Variants in PTPRG observed in about 807,000 individuals in gnomAD.
The protein encoded by PTPRG is receptor-type tyrosine-protein phosphatase gamma.
PTPRG carries 102 observed loss-of-function variants against 165.3 expected under a neutral mutation model. That is an observed-to-expected ratio of 0.62 (90% CI 0.53 to 0.73). The LOEUF (loss-of-function observed/expected upper bound fraction) is 0.73. Ranked by LOEUF, PTPRG falls within the 30% of genes least tolerant of loss-of-function variation. The pLI, the probability that PTPRG is intolerant of heterozygous loss-of-function variation, is 0.00. For synonymous variants in PTPRG, 675 were observed against 669.5 expected (o/e 1.01, Z -0.13); for missense variants, 1,866 against 1,861.4 (o/e 1.00, Z -0.05).
intron 2 of PTPRG, among the ~76,000 whole-genome samples, chr3:61,864,513 A>C: frequency 6.6e-6 from 1 of 152,192 alleles, no homozygotes; most frequent in East Asian, 1.9e-4. Flanking sequence ...AATTAAGGCA[A>C]ATCCCAGGGG....
intron 1 of PTPRG, among the ~76,000 whole-genome samples, chr3:61,610,773 A>ACCCCCCCCCCCCCCCCCCCCCCCCC (rs1553640600): frequency 2.3e-5 from 1 of 42,666 alleles, no homozygotes; most frequent in African/African-American, 6.0e-5. Flanking sequence ...CTCCCTCCCT[A>ACCCCCCCCCCCCCCCCCCCCCCCCC]CCTCCCTCCC....
At chr3:62,250,581 T>A (rs922951688) in intron 15 of PTPRG, among the ~76,000 whole-genome samples, 2 of 152,218 alleles carry the variant, frequency 1.3e-5, no homozygotes, top group East Asian at 3.8e-4. Context: ...TTAGCGTGTA[T>A]GAGTAGGTTA....
intron 1 of PTPRG, among the ~76,000 whole-genome samples, chr3:61,718,071 A>G (rs1365834127): frequency 1.3e-5 from 2 of 152,160 alleles, no homozygotes; most frequent in Non-Finnish European, 2.9e-5. Context: ...AGTCCCAGCT[A>G]CTTGGGAGGC....
rs183305016 is a variant in PTPRG, at chr3:61,911,373, A to C, written c.191-78252A>C. Reference sequence around the variant, plus strand: ...AGTGGGATAAAAGAGTAGGCAAATTAAATGCTAATTCCATCACTTTGGCTT... The same window carrying C: ...AGTGGGATAAAAGAGTAGGCAAATTCAATGCTAATTCCATCACTTTGGCTT... On this transcript the variant is annotated intron_variant, in intron 2 of 29. Coordinates refer to ENST00000474889, the MANE Select transcript of PTPRG (RefSeq NM_002841.4). Among the ~76,000 whole-genome samples, 6 of 152,322 alleles carry C rather than the reference A, an allele frequency of 3.9e-5. No homozygotes were observed. In the East Asian group the frequency reaches 1.2e-3, roughly 29 times the overall value.
intron 20 of PTPRG, among the ~76,000 whole-genome samples, chr3:62,270,129 T>C (rs1302065583): frequency 1.3e-5 from 2 of 152,106 alleles, no homozygotes; most frequent in Non-Finnish European, 2.9e-5. Context: ...AGACGCTCAT[T>C]AAAAAATGTA....
At chr3:61,982,189 A>G (rs2040657184) in intron 2 of PTPRG, among the ~76,000 whole-genome samples, 1 of 152,154 alleles carries the variant, frequency 6.6e-6, no homozygotes. Flanking sequence ...CAGGTCTGGA[A>G]CGAACTCATC....
intron 1 of PTPRG, among the ~76,000 whole-genome samples, chr3:61,688,258 G>T (rs1301735840): frequency 6.6e-6 from 1 of 152,210 alleles, no homozygotes; most frequent in Non-Finnish European, 1.5e-5. Context: ...TTAGCCAGGT[G>T]TTGCCCTGGA....
chr3:61,962,353 C>T (rs143833087), intron 2 of PTPRG, among the ~76,000 whole-genome samples: 1 of 152,134 alleles, frequency 6.6e-6, no homozygotes, highest in Non-Finnish European at 1.5e-5. Context: ...GTCAGGTTCA[C>T]CTAGTTGTGA....
chr3:61,748,740 T>G (rs2033311313), intron 1 of PTPRG, 138 bp from the exon 2 acceptor site: 3 of 574,146 alleles, frequency 5.2e-6, no homozygotes, highest in East Asian at 3.1e-5. Context: ...TTTTTTTTTT[T>G]GTAAAATAAG....
At chr3:61,861,396 T>C (rs2037267495) in intron 2 of PTPRG, among the ~76,000 whole-genome samples, 2 of 152,144 alleles carry the variant, frequency 1.3e-5, no homozygotes, top group Admixed American at 6.5e-5. Context: ...TGATCAAAGA[T>C]ATCATTGTAG....
At chr3:61,572,873 T>A (rs79449065) in intron 1 of PTPRG, among the ~76,000 whole-genome samples, 2 of 152,344 alleles carry the variant, frequency 1.3e-5, no homozygotes, top group South Asian at 4.1e-4. Flanking sequence ...CACCCAAGCA[T>A]AGGTGATTTT....
At chr3:61,949,638 A>T (rs1233810116) in intron 2 of PTPRG, among the ~76,000 whole-genome samples, 1 of 152,170 alleles carries the variant, frequency 6.6e-6, no homozygotes, top group African/African-American at 2.4e-5. Flanking sequence ...ATGACTGTCA[A>T]ATGCCAGCTC....
intron 13 of PTPRG, among the ~76,000 whole-genome samples, chr3:62,225,042 TA>T (rs1197396539): frequency 1.3e-5 from 2 of 152,216 alleles, no homozygotes; most frequent in African/African-American, 4.8e-5. Context: ...GTGTGCCTTA[TA>T]AATATTGCAA....
At chr3:61,925,796 C>A in intron 2 of PTPRG, 1 of 445,466 alleles carries the variant, frequency 2.2e-6, no homozygotes, top group African/African-American at 2.0e-5. Flanking sequence ...CCAACCTATA[C>A]GCCAGTGTTC....
intron 1 of PTPRG, among the ~76,000 whole-genome samples, chr3:61,596,434 C>T (rs553786176): frequency 1.2e-4 from 9 of 73,276 alleles, no homozygotes; most frequent in East Asian, 3.3e-4. Context: ...TGTTTCAATT[C>T]GGATGGATTT....
chr3:62,251,704 T>TA (rs1258288342), intron 15 of PTPRG, among the ~76,000 whole-genome samples: 3 of 152,294 alleles, frequency 2.0e-5, no homozygotes, highest in African/African-American at 7.2e-5. Context: ...TATTAAGAAT[T>TA]AAAAAGTTTA....
At chr3:61,800,403 T>G (rs551565828) in intron 2 of PTPRG, among the ~76,000 whole-genome samples, 1 of 152,046 alleles carries the variant, frequency 6.6e-6, no homozygotes, top group Non-Finnish European at 1.5e-5. Flanking sequence ...ACTTGAAGTT[T>G]AGTAGGTACA....
intron 2 of PTPRG, among the ~76,000 whole-genome samples, chr3:61,977,831 C>T (rs2040544271): frequency 6.6e-6 from 1 of 152,108 alleles, no homozygotes; most frequent in Admixed American, 6.5e-5. Flanking sequence ...TGTGTGGCCA[C>T]TTATTTTCTC....
rs1017436062 is a variant in PTPRG, at chr3:61,871,335, A to G, written c.191-118290A>G. 5.3e-5 allele frequency among the ~76,000 whole-genome samples: 8 copies of G among 151,988 alleles called. No individual in the cohort carries two copies. The East Asian group carries it at 1.3e-3, about 26-fold the overall frequency. On this transcript the variant is annotated intron_variant, in intron 2 of 29. Transcript: ENST00000474889. ...CTCAACCTCCTGGGCTCAGGTGTTC[A>G]TTCTGCCTCAGCCTCCCAAGTAGAT...
Sources: gnomAD v4.1 joint callset for allele counts (sites outside exome capture counted in the v4.1 genomes callset) on GRCh38, gnomAD v4.1.1 for gene constraint, MANE v1.5 for transcripts, NCBI Gene and HGNC (gene_info 2026-07-23, HGNC 2026-07-21) for gene names.